Variants in OXR1 observed in about 807,000 individuals in gnomAD.
OXR1 encodes oxidation resistance protein 1.
OXR1 carries 41 observed loss-of-function variants against 104.6 expected under a neutral mutation model. The observed-to-expected ratio is 0.39, with a 90% CI of 0.31 to 0.51. The LOEUF (loss-of-function observed/expected upper bound fraction) is 0.51. Among genes scored for constraint, OXR1 ranks in the 20% least tolerant of loss-of-function variants. The pLI is 0.77. For synonymous variants in OXR1, 348 were observed against 348.4 expected (o/e 1.00, Z 0.01); for missense variants, 955 against 1,031.9 (o/e 0.93, Z 1.02).
At position 106,287,853 on chromosome 8, in the gene OXR1, T is replaced by G. The variant is rs577400509; in HGVS notation, c.-139+17486T>G. Reference sequence around the variant, plus strand: ...TTTGGTGTTTGCTTCCAATACTTGATTTGTTATTAGTTCCTATTTCTACAA... The same window carrying G: ...TTTGGTGTTTGCTTCCAATACTTGAGTTGTTATTAGTTCCTATTTCTACAA... On this transcript the variant is annotated intron_variant, in intron 1 of 16. Transcript: ENST00000517566. Among the ~76,000 whole-genome samples, 19 of 152,332 alleles carry G rather than the reference T, an allele frequency of 1.2e-4. No individual in the cohort carries two copies. In the East Asian group the frequency reaches 3.5e-3, roughly 28 times the overall value.
intron 2 of OXR1, among the ~76,000 whole-genome samples, chr8:106,518,112 G>T (rs531820332): frequency 6.6e-6 from 1 of 152,062 alleles, no homozygotes; most frequent in Non-Finnish European, 1.5e-5. Flanking sequence ...CATATTTGAA[G>T]GTATGAAGAA....
intron 2 of OXR1, among the ~76,000 whole-genome samples, chr8:106,499,267 G>A (rs1811620567): frequency 6.6e-6 from 1 of 151,626 alleles, no homozygotes; most frequent in Admixed American, 6.6e-5. Context: ...ATGATTACCA[G>A]AATGACTGCT....
Position 106,323,778 on chromosome 8 carries a change from A to G in OXR1, c.-138-35698A>G, listed in dbSNP as rs573417045. On this transcript the variant is annotated intron_variant, in intron 1 of 16. Coordinates refer to ENST00000517566, the MANE Select transcript of OXR1 (RefSeq NM_001198533.2). ...GAAAAAAAGCCCAATATCACTGACC[A>G]TTAGAGAAATGCAAATCAAAACCAC... Among the ~76,000 whole-genome samples, 10 of 152,358 alleles carry G rather than the reference A, an allele frequency of 6.6e-5. No individual in the cohort carries two copies. In the South Asian group the frequency reaches 1.4e-3, roughly 22 times the overall value.
intron 1 of OXR1, among the ~76,000 whole-genome samples, chr8:106,288,151 T>C (rs1812576413): frequency 6.6e-6 from 1 of 152,186 alleles, no homozygotes; most frequent in African/African-American, 2.4e-5. Context: ...ATGGGGTCCC[T>C]GGGCTATGAG....
intron 3 of OXR1, among the ~76,000 whole-genome samples, chr8:106,555,748 T>A (rs147460523): frequency 3.5e-4 from 53 of 151,962 alleles, no homozygotes; most frequent in African/African-American, 1.3e-3. Context: ...AAATAATTTA[T>A]AAATGAATAT....
chr8:106,738,064 CTTGG>C (rs910124064), intron 12 of OXR1, among the ~76,000 whole-genome samples: 17 of 152,172 alleles, frequency 1.1e-4, no homozygotes, highest in South Asian at 2.1e-4. Context: ...TTGAGGCATT[CTTGG>C]TTGGTATTAG....
chr8:106,392,351 T>C (rs934563137), intron 2 of OXR1, among the ~76,000 whole-genome samples: 3 of 152,110 alleles, frequency 2.0e-5, no homozygotes, highest in Non-Finnish European at 4.4e-5. Context: ...TTTGGAAACG[T>C]TGAATTTGAG....
chr8:106,494,141 T>C (rs1052524779), intron 2 of OXR1, among the ~76,000 whole-genome samples: 1 of 152,184 alleles, frequency 6.6e-6, no homozygotes, highest in South Asian at 2.1e-4. Context: ...GAGAACATGC[T>C]GCAGTTCATA....
intron 2 of OXR1, among the ~76,000 whole-genome samples, chr8:106,423,685 G>A (rs1818992519): frequency 6.6e-6 from 1 of 152,130 alleles, no homozygotes; most frequent in Non-Finnish European, 1.5e-5. Flanking sequence ...GCTTGGTTTT[G>A]ATTTGTGCAC....
At chr8:106,468,285 T>A in intron 2 of OXR1, among the ~76,000 whole-genome samples, 1 of 151,746 alleles carries the variant, frequency 6.6e-6, no homozygotes, top group Admixed American at 6.6e-5. Flanking sequence ...TGACAAGTGC[T>A]ATGAAGAAAA....
chr8:106,403,005 A>G (rs1818064285), intron 2 of OXR1, among the ~76,000 whole-genome samples: 1 of 152,084 alleles, frequency 6.6e-6, no homozygotes, highest in African/African-American at 2.4e-5. Context: ...TATTTTTAGT[A>G]CAGACGGGGT....
intron 2 of OXR1, among the ~76,000 whole-genome samples, chr8:106,376,758 G>T (rs567290017): frequency 6.6e-6 from 1 of 152,166 alleles, no homozygotes; most frequent in African/African-American, 2.4e-5. Context: ...ATCTAAGAAT[G>T]TGGGAACTAC....
At chr8:106,280,151 A>G (rs1011000252) in intron 1 of OXR1, among the ~76,000 whole-genome samples, 5 of 152,236 alleles carry the variant, frequency 3.3e-5, no homozygotes, top group Non-Finnish European at 4.4e-5. Context: ...TTCAGGATGC[A>G]GAAACTTGTT....
chr8:106,334,546 G>A (rs1193677427), intron 1 of OXR1, among the ~76,000 whole-genome samples: 1 of 152,142 alleles, frequency 6.6e-6, no homozygotes, highest in Non-Finnish European at 1.5e-5. Flanking sequence ...TAAGTATGAT[G>A]TTAGCTGTGA....
chr8:106,627,223 G>T (rs573477646), intron 3 of OXR1, among the ~76,000 whole-genome samples: 1 of 152,238 alleles, frequency 6.6e-6, no homozygotes, highest in African/African-American at 2.4e-5. Context: ...TTACATAAGA[G>T]AACATTCCTT....
intron 2 of OXR1, among the ~76,000 whole-genome samples, chr8:106,426,700 C>T (rs1490875543): frequency 6.6e-6 from 1 of 152,082 alleles, no homozygotes; most frequent in Non-Finnish European, 1.5e-5. Flanking sequence ...GCCTCAGTCT[C>T]TTTATAAAAT....
intron 2 of OXR1, among the ~76,000 whole-genome samples, chr8:106,499,386 G>C (rs2510833): frequency 0.11 from 16,921 of 152,200 alleles, 1,184 homozygotes; most frequent in African/African-American, 0.19. Flanking sequence ...TCAGGGGAAA[G>C]AGTGTATACG....
At chr8:106,613,642 G>T (rs1820974851) in intron 3 of OXR1, among the ~76,000 whole-genome samples, 1 of 152,172 alleles carries the variant, frequency 6.6e-6, no homozygotes, top group Non-Finnish European at 1.5e-5. Context: ...CAGGTGATCT[G>T]CCCACCTTGG....
At chr8:106,589,465 G>A (rs1334400310) in intron 3 of OXR1, among the ~76,000 whole-genome samples, 1 of 151,352 alleles carries the variant, frequency 6.6e-6, no homozygotes, top group East Asian at 1.9e-4. Flanking sequence ...TTATGTCCTT[G>A]GGCTTGGTTG....
Sources: gnomAD v4.1 joint callset for allele counts (sites outside exome capture counted in the v4.1 genomes callset) on GRCh38, gnomAD v4.1.1 for gene constraint, MANE v1.5 for transcripts, NCBI Gene and HGNC (gene_info 2026-07-23, HGNC 2026-07-21) for gene names.